PIP4K2A: variants seen among roughly 807,000 people sequenced by gnomAD.
PIP4K2A encodes phosphatidylinositol 5-phosphate 4-kinase type-2 alpha.
A neutral mutation model predicts 42.9 loss-of-function variants in PIP4K2A; 14 were observed. The ratio of observed to expected loss-of-function variants is 0.33; its 90% CI spans 0.22 to 0.51. PIP4K2A has a LOEUF of 0.51. PIP4K2A is among the 20% of genes least tolerant of loss of function. The pLI, the probability that PIP4K2A is intolerant of heterozygous loss-of-function variation, is 0.97. For synonymous variants in PIP4K2A, 192 were observed against 192.2 expected (o/e 1.00, Z 0.01); for missense variants, 434 against 519.8 (o/e 0.83, Z 1.61).
intron 1 of PIP4K2A, among the ~76,000 whole-genome samples, chr10:22,659,101 C>T (rs570139229): frequency 6.6e-6 from 1 of 152,322 alleles, no homozygotes; most frequent in East Asian, 1.9e-4. Flanking sequence ...GCCTCAGGTC[C>T]CTCTGCATAA....
At chr10:22,640,273 G>C (rs1215664122) in intron 1 of PIP4K2A, among the ~76,000 whole-genome samples, 1 of 152,122 alleles carries the variant, frequency 6.6e-6, no homozygotes, top group Non-Finnish European at 1.5e-5. Flanking sequence ...GACGGCTATT[G>C]CATCTGGGAA....
chr10:22,591,619 G>T lies in PIP4K2A; in HGVS notation c.492+10C>A. 1.3e-6 allele frequency: 2 copies of T among 1,595,598 alleles called. No homozygotes were observed. The highest frequency in any genetic ancestry group is 1.7e-6 in the Non-Finnish European group (2 of 1,168,678). The stretch of plus-strand genomic sequence containing the variant: ...TCTTGGAGTTTCAAATAAAGATCAA[G>T]AAAAATTACCTGGTGGTATTTCTTC... On this transcript the variant is annotated intron_variant, in intron 4 of 9. Transcript: ENST00000376573.
At position 22,604,490 on chromosome 10, in the gene PIP4K2A, C is replaced by A. The variant is rs185634224; in HGVS notation, c.339+3437G>T. ...CCTAACCACCACATTGATTTAGAGCCGCTTGTCCAAAATGCAAGCAGTTTG... is the reference window on the plus strand; with the variant it reads ...CCTAACCACCACATTGATTTAGAGCAGCTTGTCCAAAATGCAAGCAGTTTG... On this transcript the variant is annotated intron_variant, in intron 3 of 9. Coordinates refer to ENST00000376573, the MANE Select transcript of PIP4K2A (RefSeq NM_005028.5). 8.3e-4 allele frequency among the ~76,000 whole-genome samples: 126 copies of A among 151,966 alleles called. 1 individual carries two copies. Among genetic ancestry groups the A allele is most frequent in the Admixed American group, 1.8e-3 (28 of 15,258 alleles).
intron 1 of PIP4K2A, among the ~76,000 whole-genome samples, chr10:22,625,921 T>C (rs1254669693): frequency 6.6e-6 from 1 of 152,154 alleles, no homozygotes; most frequent in African/African-American, 2.4e-5. Context: ...TCTTATCTCT[T>C]GGGTCACAAG....
chr10:22,580,757 G>T (rs1204433053), intron 4 of PIP4K2A, among the ~76,000 whole-genome samples: 2 of 152,196 alleles, frequency 1.3e-5, no homozygotes, highest in Non-Finnish European at 2.9e-5. Flanking sequence ...GTTTAGGAAA[G>T]GTGCATTTCT....
chr10:22,590,603 C>G lies in PIP4K2A; in HGVS notation c.492+1026G>C, dbSNP rs183855563. On this transcript the variant is annotated intron_variant, in intron 4 of 9. Transcript: ENST00000376573. ...TCCAGGCAGGGTGTGGAGGCTCACA[C>G]CTGTAACCTTAGCACTTTGGGAGGC... 7.5e-4 allele frequency among the ~76,000 whole-genome samples: 114 copies of G among 152,272 alleles called. 1 individual carries two copies. The highest frequency in any genetic ancestry group is 1.3e-3 in the Non-Finnish European group (91 of 68,022).
At chr10:22,551,518 G>A (rs1304901951) in intron 6 of PIP4K2A, among the ~76,000 whole-genome samples, 2 of 152,238 alleles carry the variant, frequency 1.3e-5, no homozygotes, top group Non-Finnish European at 2.9e-5. Context: ...CATGGATCAT[G>A]AGCAGAAAAC....
At chr10:22,643,697 C>A (rs1013962470) in intron 1 of PIP4K2A, among the ~76,000 whole-genome samples, 5 of 152,168 alleles carry the variant, frequency 3.3e-5, no homozygotes, top group Non-Finnish European at 5.9e-5. Flanking sequence ...TGATTGTCCC[C>A]AAGGACCACA....
intron 1 of PIP4K2A, among the ~76,000 whole-genome samples, chr10:22,655,756 C>T (rs930135331): frequency 1.3e-5 from 2 of 152,150 alleles, no homozygotes; most frequent in Admixed American, 6.5e-5. Flanking sequence ...ATCTGTACCA[C>T]GATTCGCTTA....
intron 6 of PIP4K2A, among the ~76,000 whole-genome samples, chr10:22,556,392 T>C (rs780799222): frequency 6.6e-6 from 1 of 152,206 alleles, no homozygotes; most frequent in Non-Finnish European, 1.5e-5. Flanking sequence ...AAAGACCTTT[T>C]GTTTAAACTG....
intron 1 of PIP4K2A, among the ~76,000 whole-genome samples, chr10:22,625,881 A>G (rs538817474): frequency 6.6e-6 from 1 of 152,354 alleles, no homozygotes; most frequent in East Asian, 1.9e-4. Flanking sequence ...AATAAAGTTA[A>G]ATAACTCAGG....
chr10:22,584,959 C>G (rs540516651), intron 4 of PIP4K2A, among the ~76,000 whole-genome samples: 1 of 152,260 alleles, frequency 6.6e-6, no homozygotes, highest in East Asian at 1.9e-4. Context: ...CTGTCACTCA[C>G]CGGGGGCACA....
At chr10:22,647,014 G>T (rs954763363) in intron 1 of PIP4K2A, among the ~76,000 whole-genome samples, 2 of 151,694 alleles carry the variant, frequency 1.3e-5, no homozygotes, top group South Asian at 4.1e-4. Flanking sequence ...GCTGATCCAT[G>T]GGTGTTTTCT....
At chr10:22,594,690 A>G (rs1449415950) in intron 3 of PIP4K2A, among the ~76,000 whole-genome samples, 3 of 152,202 alleles carry the variant, frequency 2.0e-5, no homozygotes, top group Non-Finnish European at 4.4e-5. Context: ...ATGAGCCACC[A>G]TGCCCAGCGC....
chr10:22,562,207 G>A (rs1836724688), intron 6 of PIP4K2A, among the ~76,000 whole-genome samples: 1 of 149,478 alleles, frequency 6.7e-6, no homozygotes, highest in Admixed American at 6.8e-5. Context: ...AAAAGGGAAA[G>A]CAAAGACTTT....
intron 6 of PIP4K2A, among the ~76,000 whole-genome samples, chr10:22,556,430 A>C (rs1836550547): frequency 6.6e-6 from 1 of 152,216 alleles, no homozygotes; most frequent in Admixed American, 6.5e-5. Flanking sequence ...AAATGTCCCT[A>C]TCTTATCATA....
chr10:22,677,140 T>C lies in PIP4K2A; in HGVS notation c.144+37043A>G, dbSNP rs571080734. ...GAGGTTACCATGTACATGTTTTGCATGTACATGTTTGCATCACCTGGCAAA... is the reference window on the plus strand; with the variant it reads ...GAGGTTACCATGTACATGTTTTGCACGTACATGTTTGCATCACCTGGCAAA... On this transcript the variant is annotated intron_variant, in intron 1 of 9. Coordinates refer to ENST00000376573, the MANE Select transcript of PIP4K2A (RefSeq NM_005028.5). 2.6e-5 allele frequency among the ~76,000 whole-genome samples: 4 copies of C among 152,324 alleles called. No homozygotes were observed. The East Asian group carries it at 7.7e-4, about 29-fold the overall frequency.
chr10:22,664,054 TATATATAC>T lies in PIP4K2A; in HGVS notation c.144+50121_144+50128del, dbSNP rs1245760595. ...ATACATATATATATATATACATATG[TATATATAC>T]ATATATATATATACGTATATATATA... On this transcript the variant is annotated intron_variant, in intron 1 of 9. Transcript: ENST00000376573. Among the ~76,000 whole-genome samples, 71 of 79,218 alleles carry T rather than the reference TATATATAC, an allele frequency of 9.0e-4. 1 individual carries two copies. The highest frequency in any genetic ancestry group is 7.9e-3 in the African/African-American group (68 of 8,634). The allele number at this position is 79,218 out of a possible 152,430, so 52.0% of individuals were successfully genotyped here.
intron 6 of PIP4K2A, among the ~76,000 whole-genome samples, chr10:22,554,952 C>T (rs1026932706): frequency 8.5e-5 from 13 of 152,226 alleles, no homozygotes; most frequent in African/African-American, 3.1e-4. Flanking sequence ...GGGCTGTTTT[C>T]TCTCTTGCAT....
Sources: gnomAD v4.1 joint callset for allele counts (sites outside exome capture counted in the v4.1 genomes callset) on GRCh38, gnomAD v4.1.1 for gene constraint, MANE v1.5 for transcripts, NCBI Gene and HGNC (gene_info 2026-07-23, HGNC 2026-07-21) for gene names.